ADK: variants seen among roughly 807,000 people sequenced by gnomAD.
The protein encoded by ADK is adenosine kinase.
In ADK, 24 loss-of-function variants were observed where a neutral mutation model predicts 44.7. The observed-to-expected ratio is 0.54, with a 90% CI of 0.39 to 0.76. The LOEUF is 0.76. ADK is among the 30% of genes least tolerant of loss of function. The pLI is 0.00. For synonymous variants in ADK, 128 were observed against 142.6 expected, an observed-to-expected ratio of 0.90 and a Z score of 0.73; for missense variants, 321 against 425.1, an observed-to-expected ratio of 0.76 and a Z score of 2.15.
rs561479084 is a variant in ADK, at chr10:74,540,075, A to G, written c.726+14649A>G. On this transcript the variant is annotated intron_variant, in intron 7 of 10. Coordinates refer to ENST00000539909, the MANE Select transcript of ADK (RefSeq NM_006721.4). ...AACTACATTGCCTCTCTGAAGATGA[A>G]ATGCTTTTAAATCATCCCCAATCTA... Among the ~76,000 whole-genome samples, 70 of 152,344 alleles carry G rather than the reference A, an allele frequency of 4.6e-4. 2 individuals carry two copies. In the South Asian group the frequency reaches 0.014, roughly 30 times the overall value.
At chr10:74,320,729 T>C (rs1564652106) in intron 4 of ADK, among the ~76,000 whole-genome samples, 1 of 152,194 alleles carries the variant, frequency 6.6e-6, no homozygotes, top group African/African-American at 2.4e-5. Flanking sequence ...ACTAGTAACC[T>C]CAGCTTGCTT....
chr10:74,440,055 A>C (rs566671806), intron 6 of ADK, among the ~76,000 whole-genome samples: 1 of 152,064 alleles, frequency 6.6e-6, no homozygotes, highest in Admixed American at 6.5e-5. Flanking sequence ...TATATAATTC[A>C]AAAGCTATAA....
At chr10:74,308,467 C>G (rs565023003) in intron 3 of ADK, among the ~76,000 whole-genome samples, 1 of 152,142 alleles carries the variant, frequency 6.6e-6, no homozygotes. Context: ...TAAAACCTCA[C>G]TAAACATTTG....
intron 6 of ADK, 99 bp from the exon 7 acceptor site, chr10:74,525,157 T>A: frequency 8.4e-7 from 1 of 1,195,276 alleles, no homozygotes; most frequent in Non-Finnish European, 1.2e-6. Flanking sequence ...ATAATTGTAT[T>A]TTATATACTT....
At chr10:74,576,819 T>C (rs1030921974) in intron 7 of ADK, among the ~76,000 whole-genome samples, 3 of 152,176 alleles carry the variant, frequency 2.0e-5, no homozygotes, top group East Asian at 3.8e-4. Flanking sequence ...GAACTCATTC[T>C]TTGTCATGGA....
intron 3 of ADK, among the ~76,000 whole-genome samples, chr10:74,248,736 G>T (rs1235681440): frequency 6.6e-6 from 1 of 152,216 alleles, no homozygotes; most frequent in African/African-American, 2.4e-5. Flanking sequence ...TGGTTTAGCA[G>T]ATGTATTCTA....
chr10:74,615,998 C>T (rs771708378), intron 9 of ADK, among the ~76,000 whole-genome samples: 1 of 152,248 alleles, frequency 6.6e-6, no homozygotes. Flanking sequence ...CGTGAGCCAT[C>T]GTGCCTGGCC....
chr10:74,164,966 G>T (rs762584640), intron 1 of ADK, among the ~76,000 whole-genome samples: 1 of 152,160 alleles, frequency 6.6e-6, no homozygotes. Flanking sequence ...GTTAAAGCAG[G>T]CTCTCTCAGC....
At chr10:74,171,802 CTG>C (rs1484688676) in intron 1 of ADK, among the ~76,000 whole-genome samples, 1 of 140,960 alleles carries the variant, frequency 7.1e-6, no homozygotes, top group African/African-American at 2.9e-5. Context: ...CTGTCTCTCT[CTG>C]TCTCTCTGTG....
chr10:74,441,585 A>G (rs893434805), intron 6 of ADK, among the ~76,000 whole-genome samples: 1 of 152,206 alleles, frequency 6.6e-6, no homozygotes, highest in Non-Finnish European at 1.5e-5. Flanking sequence ...AAAGATTTAA[A>G]CATAAAACCT....
intron 7 of ADK, among the ~76,000 whole-genome samples, chr10:74,576,290 A>G (rs572186020): frequency 7.9e-5 from 12 of 152,136 alleles, no homozygotes; most frequent in Non-Finnish European, 1.8e-4. Context: ...TTTTTCATGT[A>G]TTAAATTATC....
At chr10:74,609,219 C>T (rs1188744466) in intron 9 of ADK, among the ~76,000 whole-genome samples, 1 of 152,132 alleles carries the variant, frequency 6.6e-6, no homozygotes, top group African/African-American at 2.4e-5. Context: ...GGCTCCCTGG[C>T]TTTATCCCCC....
intron 1 of ADK, among the ~76,000 whole-genome samples, chr10:74,162,291 T>C (rs1239698924): frequency 6.6e-6 from 1 of 152,146 alleles, no homozygotes; most frequent in African/African-American, 2.4e-5. Flanking sequence ...AGTGCTGGGA[T>C]TACAGGCGTG....
chr10:74,279,343 A>C (rs1846827319), intron 3 of ADK, among the ~76,000 whole-genome samples: 1 of 151,990 alleles, frequency 6.6e-6, no homozygotes. Context: ...TAATCCCAGC[A>C]CTTTGGGAGG....
Position 74,321,763 on chromosome 10 carries a change from C to A in ADK, c.273+7018C>A, listed in dbSNP as rs188354052. Among the ~76,000 whole-genome samples the A allele has an allele frequency of 5.9e-5, 9 of 151,962 alleles. No homozygotes were observed. In the East Asian group the frequency reaches 1.7e-3, roughly 29 times the overall value. On this transcript the variant is annotated intron_variant, in intron 4 of 10. Coordinates refer to ENST00000539909, the MANE Select transcript of ADK (RefSeq NM_006721.4). ...AATGCCAGTGTGTTTATGTTGTATA[C>A]ATCTCGGGGCATGCTTTTAAGTGTT...
chr10:74,512,402 CTTT>C (rs36119808), intron 6 of ADK, among the ~76,000 whole-genome samples: 1 of 128,532 alleles, frequency 7.8e-6, no homozygotes, highest in Non-Finnish European at 1.6e-5. Flanking sequence ...CAGTTCTGGA[CTTT>C]TTTTTTTTTT....
At chr10:74,398,045 G>A (rs2132851798) in intron 5 of ADK, among the ~76,000 whole-genome samples, 1 of 152,100 alleles carries the variant, frequency 6.6e-6, no homozygotes, top group African/African-American at 2.4e-5. Flanking sequence ...GGCTTTTAAA[G>A]GCTTCGATTA....
chr10:74,212,982 A>C (rs1377706446), intron 2 of ADK, among the ~76,000 whole-genome samples: 1 of 152,138 alleles, frequency 6.6e-6, no homozygotes, highest in Non-Finnish European at 1.5e-5. Context: ...TAGGAGGAGG[A>C]TATGGAAGAG....
rs1183294115 is a variant in ADK at position 74,201,720 on chromosome 10, CTATCTATCTATA to C, written c.140+886_140+897del. On this transcript the variant is annotated intron_variant, in intron 2 of 10. Coordinates refer to ENST00000539909, the MANE Select transcript of ADK (RefSeq NM_006721.4). ...TCTATCTATCTATCTATCTATCTATCTATCTATCTATATATGGTTCAGTACTATCCATGGTTT... is the reference window on the plus strand; with the variant it reads ...TCTATCTATCTATCTATCTATCTATCTATGGTTCAGTACTATCCATGGTTT... 5.6e-3 allele frequency among the ~76,000 whole-genome samples: 721 copies of C among 128,044 alleles called. 8 individuals carry two copies. Among genetic ancestry groups the C allele is most frequent in the African/African-American group, 0.018 (658 of 36,104 alleles). 84.0% of individuals were successfully genotyped at this position (128,044 alleles called of 152,430 possible).
Sources: allele counts gnomAD v4.1 joint callset (sites outside exome capture counted in the v4.1 genomes callset), GRCh38; gene constraint gnomAD v4.1.1; transcripts MANE v1.5; gene names NCBI Gene and HGNC (gene_info 2026-07-23, HGNC 2026-07-21).